Variants in LMX1A observed in about 807,000 individuals in gnomAD.
LMX1A encodes LIM homeobox transcription factor 1 alpha, also known as LIM homeobox transcription factor 1-alpha.
LMX1A carries 15 observed loss-of-function variants against 49.1 expected under a neutral mutation model. The ratio of observed to expected loss-of-function variants is 0.31; its 90% CI spans 0.20 to 0.47. LMX1A has a LOEUF of 0.47. Ranked by LOEUF, LMX1A falls within the 20% of genes least tolerant of loss-of-function variation. The probability of loss-of-function intolerance (pLI) is 1.00; values close to 1 mark genes in which losing one functional copy is unlikely to be tolerated. For missense variants in LMX1A, 372 were observed against 475.8 expected, an observed-to-expected ratio of 0.78 and a Z score of 2.03; for synonymous variants, 167 against 185.7, an observed-to-expected ratio of 0.90 and a Z score of 0.82.
rs554573038 is a variant in LMX1A at position 165,242,917 on chromosome 1, G to T, written c.496+6491C>A. 7.4e-4 allele frequency among the ~76,000 whole-genome samples: 79 copies of T among 107,308 alleles called. 1 individual carries two copies. The highest frequency in any genetic ancestry group is 3.0e-3 in the African/African-American group (78 of 26,220). The allele number at this position is 107,308 out of a possible 152,430, so 70.4% of individuals were successfully genotyped here. On this transcript the variant is annotated intron_variant, in intron 4 of 8. Transcript: ENST00000342310. ...TGCACTCCAGACTGGACAACAGAGC[G>T]AAACTCCACCTCAAAAAAAAAAAAA...
chr1:165,278,174 C>G (rs969473183), intron 3 of LMX1A, among the ~76,000 whole-genome samples: 10 of 152,336 alleles, frequency 6.6e-5, no homozygotes, highest in Middle Eastern at 3.4e-3. Flanking sequence ...CCACTTGACT[C>G]CAGAGCTCCT....
At chr1:165,276,921 G>A (rs1343554) in intron 3 of LMX1A, among the ~76,000 whole-genome samples, 1 of 152,250 alleles carries the variant, frequency 6.6e-6, no homozygotes, top group East Asian at 1.9e-4. Flanking sequence ...AAGAGATACA[G>A]AGAGGTAAAG....
chr1:165,259,289 G>T (rs1230344455), intron 3 of LMX1A, among the ~76,000 whole-genome samples: 1 of 152,140 alleles, frequency 6.6e-6, no homozygotes, highest in African/African-American at 2.4e-5. Flanking sequence ...GGCAGCTATG[G>T]CTATGGTCTA....
At chr1:165,216,540 C>T (rs12038685) in intron 4 of LMX1A, among the ~76,000 whole-genome samples, 32,370 of 152,130 alleles carry the variant, frequency 0.21, 4,755 homozygotes, top group East Asian at 0.57. Context: ...GCTGAGTCTG[C>T]AGGCCAGGCT....
chr1:165,280,208 A>G (rs1313920674), intron 3 of LMX1A, among the ~76,000 whole-genome samples: 1 of 152,194 alleles, frequency 6.6e-6, no homozygotes, highest in African/African-American at 2.4e-5. Flanking sequence ...CAGGGTCCCC[A>G]TCCTAAGCTT....
At chr1:165,303,348 T>C (rs1329173268) in intron 3 of LMX1A, among the ~76,000 whole-genome samples, 3 of 152,200 alleles carry the variant, frequency 2.0e-5, no homozygotes, top group Non-Finnish European at 4.4e-5. Flanking sequence ...ATCTCCTTTA[T>C]GGCTCAGAAG....
intron 3 of LMX1A, among the ~76,000 whole-genome samples, chr1:165,249,843 G>A (rs1652993404): frequency 6.6e-6 from 1 of 152,164 alleles, no homozygotes; most frequent in East Asian, 1.9e-4. Flanking sequence ...CTTAAGAAGG[G>A]TGTCTGACTG....
intron 3 of LMX1A, among the ~76,000 whole-genome samples, chr1:165,266,662 C>T (rs772292053): frequency 2.4e-5 from 3 of 122,872 alleles, no homozygotes; most frequent in South Asian, 2.8e-4. Context: ...AGTGCAGTGG[C>T]GCGATCTTGG....
At chr1:165,271,943 A>G (rs1209041560) in intron 3 of LMX1A, among the ~76,000 whole-genome samples, 1 of 152,206 alleles carries the variant, frequency 6.6e-6, no homozygotes, top group Non-Finnish European at 1.5e-5. Flanking sequence ...CCAGGAGCAT[A>G]TAAACTTGGC....
At chr1:165,353,320 C>A (rs1656491153) in intron 2 of LMX1A, 58 bp from the exon 3 acceptor site, 40 of 1,463,176 alleles carry the variant, frequency 2.7e-5, no homozygotes, top group Non-Finnish European at 3.7e-5. Context: ...CCATGCCAAA[C>A]CTGGCCGGGA....
Position 165,213,793 on chromosome 1 carries a change from T to C in LMX1A, c.517A>G (p.Ser173Gly), listed in dbSNP as rs761155437. 19 of 1,613,928 alleles carry C rather than the reference T, an allele frequency of 1.2e-5. No individual in the cohort carries two copies. The East Asian group carries it at 4.2e-4, about 36-fold the overall frequency. The stretch of plus-strand genomic sequence containing the variant: ...GCCCCATGGGCTGACTTGCAGAGAC[T>C]TTCTTCATCATCACTTTTACCTGAA... ...SDSGKSDDEESLCKSAHGAGK... is the reference protein window; with the variant it reads ...SDSGKSDDEEGLCKSAHGAGK... The change falls in exon 5 of 9, where the codon AGT (serine) becomes GGT (glycine). Residue 173 changes from serine to glycine, a missense_variant. Ser to Gly is a moderately conservative substitution (Grantham distance 56). Coordinates refer to ENST00000342310, the MANE Select transcript of LMX1A (RefSeq NM_177398.4).
rs535272627 is a variant in LMX1A at position 165,297,361 on chromosome 1, A to G, written c.264-47721T>C. Among the ~76,000 whole-genome samples the G allele has an allele frequency of 3.9e-5, 6 of 152,370 alleles. No homozygotes were observed. The East Asian group carries it at 1.2e-3, about 29-fold the overall frequency. On this transcript the variant is annotated intron_variant, in intron 3 of 8. Coordinates refer to ENST00000342310, the MANE Select transcript of LMX1A (RefSeq NM_177398.4). Reference sequence around the variant, plus strand: ...TTGGTCTAGGCAGGGGCTAGGCATTAGTATTTTCTAAAGCTTCCCAAGGAA... The same window carrying G: ...TTGGTCTAGGCAGGGGCTAGGCATTGGTATTTTCTAAAGCTTCCCAAGGAA...
chr1:165,308,341 G>C (rs1504697), intron 3 of LMX1A, among the ~76,000 whole-genome samples: 65,128 of 152,010 alleles, frequency 0.43, 14,446 homozygotes, highest in South Asian at 0.58. Flanking sequence ...GGTTCCTCCA[G>C]TGCAAATGGA....
At chr1:165,209,598 C>T (rs1651278196) in intron 6 of LMX1A, among the ~76,000 whole-genome samples, 1 of 152,176 alleles carries the variant, frequency 6.6e-6, no homozygotes, top group Non-Finnish European at 1.5e-5. Flanking sequence ...AGAGAGCTTC[C>T]AGACAGCTGA....
At position 165,356,508 on chromosome 1, in the gene LMX1A, G is replaced by T. The variant is rs990015250; in HGVS notation, c.-176C>A. The stretch of plus-strand genomic sequence containing the variant: ...CGGGGAGGGAGCCGGAGCGAACGCC[G>T]GCCGCTGGCTCTGCTCCTCGGCGCG... On this transcript the variant is annotated 5_prime_UTR_variant, in exon 1 of 9. Coordinates refer to ENST00000342310, the MANE Select transcript of LMX1A (RefSeq NM_177398.4). The T allele has an allele frequency of 1.3e-5, 2 of 152,090 alleles. No homozygotes were observed. Among genetic ancestry groups the T allele is most frequent in the African/African-American group, 4.8e-5 (2 of 41,422 alleles). 9.4% of individuals were successfully genotyped at this position (152,090 alleles called of 1,614,324 possible).
intron 3 of LMX1A, among the ~76,000 whole-genome samples, chr1:165,278,527 A>T (rs776599703): frequency 1.1e-4 from 17 of 151,826 alleles, no homozygotes; most frequent in South Asian, 2.1e-4. Context: ...TTGCTGCCAC[A>T]AGTTTTTTTT....
chr1:165,326,498 G>C (rs1164249449), intron 3 of LMX1A, among the ~76,000 whole-genome samples: 1 of 152,236 alleles, frequency 6.6e-6, no homozygotes, highest in Non-Finnish European at 1.5e-5. Context: ...AACAAGTGGG[G>C]AAAGGATCAC....
intron 3 of LMX1A, among the ~76,000 whole-genome samples, chr1:165,253,482 G>C (rs1159028246): frequency 6.6e-6 from 1 of 152,030 alleles, no homozygotes; most frequent in African/African-American, 2.4e-5. Flanking sequence ...ATTACTCACA[G>C]GTTGACACAA....
intron 7 of LMX1A, 106 bp from the exon 8 acceptor site, chr1:165,206,140 ATCAGTGG>A: frequency 4.9e-6 from 5 of 1,019,396 alleles, no homozygotes; most frequent in Non-Finnish European, 7.1e-6. Flanking sequence ...ATGAGGTGAC[ATCAGTGG>A]TCCCAGCCTT....
Sources: allele counts gnomAD v4.1 joint callset (sites outside exome capture counted in the v4.1 genomes callset), GRCh38; gene constraint gnomAD v4.1.1; transcripts MANE v1.5; gene names NCBI Gene and HGNC (gene_info 2026-07-23, HGNC 2026-07-21).